The following CDYL variants were observed in gnomAD, a reference collection of about 807,000 sequenced individuals.
CDYL encodes chromodomain Y like, also known as chromodomain Y-like protein.
Under a neutral mutation model 47.3 loss-of-function variants are expected in CDYL, and 8 were observed. The observed-to-expected ratio is 0.17, with a 90% CI of 0.10 to 0.31. The LOEUF (loss-of-function observed/expected upper bound fraction) is 0.31. Among genes scored for constraint, CDYL ranks in the 10% least tolerant of loss-of-function variants. The pLI is 1.00. For missense variants in CDYL, 471 were observed against 701.4 expected (o/e 0.67, Z 3.71); for synonymous variants, 266 against 265.0 (o/e 1.00, Z -0.04).
At chr6:4,770,280 A>G (rs974055986) in intron 3 of CDYL, among the ~76,000 whole-genome samples, 4 of 152,206 alleles carry the variant, frequency 2.6e-5, no homozygotes, top group African/African-American at 4.8e-5. Context: ...TTGAGTGACT[A>G]TAACTTAATG....
chr6:4,890,146 G>A, intron 1 of CDYL: 1 of 985,388 alleles, frequency 1.0e-6, no homozygotes. Flanking sequence ...GCAGGAGGCA[G>A]GGGGAACATT....
rs201337986 is a variant in CDYL at position 4,825,865 on chromosome 6, A to AG, written c.24+49058_24+49059insG. On this transcript the variant is annotated intron_variant, in intron 1 of 6. Transcript: ENST00000397588. ...TAGAATGGCAAAAAAAAAAAAAAAAAAGAGAGTCACCTGACACACATCTTC... is the reference window on the plus strand; with the variant it reads ...TAGAATGGCAAAAAAAAAAAAAAAAAGAGAGAGTCACCTGACACACATCTTC... Among the ~76,000 whole-genome samples, 66 of 151,236 alleles carry AG rather than the reference A, an allele frequency of 4.4e-4. 1 individual carries two copies. Among genetic ancestry groups the AG allele is most frequent in the Admixed American group, 1.4e-3 (22 of 15,182 alleles).
intron 3 of CDYL, among the ~76,000 whole-genome samples, chr6:4,750,493 T>G (rs1050166743): frequency 5.3e-5 from 8 of 151,670 alleles, no homozygotes; most frequent in Non-Finnish European, 8.8e-5. Context: ...TGAGCCACCA[T>G]GCCCGGCCAA....
chr6:4,799,177 G>A lies in CDYL; in HGVS notation c.24+22370G>A, dbSNP rs183981594. ...TTTGTGATTTCTTCTTTGACCCCTG[G>A]GTTTAGAATTAGGTTAAATTGTGGA... On this transcript the variant is annotated intron_variant, in intron 1 of 6. Transcript: ENST00000397588. Among the ~76,000 whole-genome samples the A allele has an allele frequency of 1.7e-4, 26 of 152,166 alleles. 1 individual carries two copies. Among genetic ancestry groups the A allele is most frequent in the Admixed American group, 1.5e-3 (23 of 15,296 alleles).
At chr6:4,844,844 A>G (rs1760607416) in intron 1 of CDYL, among the ~76,000 whole-genome samples, 1 of 152,200 alleles carries the variant, frequency 6.6e-6, no homozygotes, top group African/African-American at 2.4e-5. Context: ...TATAGCTCAA[A>G]TATTTTCATA....
chr6:4,939,627 A>G (rs766239295), intron 4 of CDYL, among the ~76,000 whole-genome samples: 2 of 151,978 alleles, frequency 1.3e-5, no homozygotes, highest in African/African-American at 2.4e-5. Context: ...CTCCTAGGGG[A>G]TTTCATCCCT....
At chr6:4,937,151 GT>G (rs1758220011) in intron 3 of CDYL, among the ~76,000 whole-genome samples, 1 of 152,162 alleles carries the variant, frequency 6.6e-6, no homozygotes, top group Non-Finnish European at 1.5e-5. Context: ...GAGCCCAGGA[GT>G]TCAAGACCAT....
At chr6:4,912,284 A>G (rs1310728459) in intron 2 of CDYL, among the ~76,000 whole-genome samples, 1 of 152,028 alleles carries the variant, frequency 6.6e-6, no homozygotes, top group Non-Finnish European at 1.5e-5. Context: ...GTTTTGGTGA[A>G]TCTGATTTGA....
chr6:4,810,355 A>G (rs1759494756), intron 1 of CDYL, among the ~76,000 whole-genome samples: 2 of 152,148 alleles, frequency 1.3e-5, no homozygotes, highest in Admixed American at 6.5e-5. Context: ...TACTTTTAAA[A>G]GTTGTTTGAT....
At chr6:4,792,626 G>A (rs796244210) in intron 1 of CDYL, among the ~76,000 whole-genome samples, 13 of 152,020 alleles carry the variant, frequency 8.6e-5, no homozygotes, top group African/African-American at 3.1e-4. Context: ...AGTAGAGACA[G>A]GGTTTCACCA....
In CDYL at chr6:4,935,602, A is replaced by G. The variant is rs1477181277; in HGVS notation, c.779A>G (p.Lys260Arg). 4 of 1,614,072 alleles carry G rather than the reference A, an allele frequency of 2.5e-6. No homozygotes were observed. Among genetic ancestry groups the G allele is most frequent in the Admixed American group, 3.3e-5 (2 of 60,004 alleles). Residue 260 changes from lysine (K) to arginine (R), a missense_variant, in exon 3 of 7, where the codon AAA becomes AGA. This residue lies in a region of CDYL where 311 missense variants were observed against 350.0 expected (regional missense o/e 0.89). Transcript: ENST00000397588. ...SVTGVTASKRKFIDDRRDQPF... is the reference protein window; with the variant it reads ...SVTGVTASKRRFIDDRRDQPF... ...ACAGGAGTGACTGCCAGCAAAAGGA[A>G]ATTTATTGACGACAGAAGAGACCAG... is the stretch of plus-strand genomic sequence containing the variant.
At chr6:4,823,097 T>A (rs574526741) in intron 1 of CDYL, among the ~76,000 whole-genome samples, 1 of 152,228 alleles carries the variant, frequency 6.6e-6, no homozygotes, top group Non-Finnish European at 1.5e-5. Flanking sequence ...CTTAACAAAT[T>A]GTAACATTTT....
chr6:4,920,093 G>T (rs527806017), intron 2 of CDYL, among the ~76,000 whole-genome samples: 6 of 152,276 alleles, frequency 3.9e-5, no homozygotes, highest in South Asian at 2.1e-4. Context: ...GTGACATAAG[G>T]CCATCTAAAA....
chr6:4,790,543 G>A (rs921995369), intron 1 of CDYL, among the ~76,000 whole-genome samples: 12 of 152,136 alleles, frequency 7.9e-5, no homozygotes, highest in Admixed American at 6.5e-5. Flanking sequence ...CTTTTCCCCT[G>A]GTCATCATAC....
chr6:4,880,799 T>G (rs1488976232), intron 1 of CDYL, among the ~76,000 whole-genome samples: 1 of 152,246 alleles, frequency 6.6e-6, no homozygotes, highest in Admixed American at 6.5e-5. Flanking sequence ...GCACATCTTT[T>G]CATGTTTATT....
intron 1 of CDYL, among the ~76,000 whole-genome samples, chr6:4,779,882 C>T (rs1758564097): frequency 1.3e-5 from 2 of 152,202 alleles, no homozygotes. Context: ...CGCTGTGTCT[C>T]AAACTGCTTA....
At chr6:4,778,993 G>A (rs965543645) in intron 1 of CDYL, among the ~76,000 whole-genome samples, 8 of 152,194 alleles carry the variant, frequency 5.3e-5, no homozygotes, top group Admixed American at 5.2e-4. Context: ...GTTTACATGA[G>A]AACATATGTA....
At chr6:4,935,949 C>T (rs945069036) in intron 3 of CDYL, among the ~76,000 whole-genome samples, 178 bp downstream of exon 3, 6 of 152,308 alleles carry the variant, frequency 3.9e-5, no homozygotes, top group Middle Eastern at 6.8e-3. Flanking sequence ...CCATGTCCCA[C>T]CTCCAATGGC....
upstream of CDYL, chr6:4,774,731 T>G (rs1017275610): frequency 6.6e-6 from 1 of 152,010 alleles, no homozygotes; most frequent in Admixed American, 6.6e-5. Context: ...TCGTTTGGAG[T>G]TGGGGTGGGG....
Sources: allele counts gnomAD v4.1 joint callset (sites outside exome capture counted in the v4.1 genomes callset), GRCh38; gene constraint gnomAD v4.1.1; regional missense constraint gnomAD v4.1.1; transcripts MANE v1.5; gene names NCBI Gene and HGNC (gene_info 2026-07-23, HGNC 2026-07-21).